RMND1: variants seen among roughly 807,000 people sequenced by gnomAD.
The protein encoded by RMND1 is required for meiotic nuclear division protein 1 homolog.
A neutral mutation model predicts 54.0 loss-of-function variants in RMND1; 41 were observed. The observed-to-expected ratio is 0.76, with a 90% CI of 0.59 to 0.98. The LOEUF (loss-of-function observed/expected upper bound fraction) is 0.98, where lower values mean the gene tolerates loss of function less well. Among genes scored for constraint, RMND1 ranks in the 50% least tolerant of loss-of-function variants. The pLI, the probability that RMND1 is intolerant of heterozygous loss-of-function variation, is 0.00. For missense variants in RMND1, 457 were observed against 532.0 expected, an observed-to-expected ratio of 0.86 and a Z score of 1.39; for synonymous variants, 183 against 181.7, an observed-to-expected ratio of 1.01 and a Z score of -0.06.
intron 10 of RMND1, among the ~76,000 whole-genome samples, chr6:151,406,826 G>A (rs117449987): frequency 1.3e-5 from 2 of 152,238 alleles, no homozygotes; most frequent in East Asian, 1.9e-4. Flanking sequence ...ATTGGAATGC[G>A]TTAACTGCAC....
chr6:151,410,776 T>C (rs1211604149), intron 10 of RMND1, among the ~76,000 whole-genome samples: 1 of 152,238 alleles, frequency 6.6e-6, no homozygotes. Context: ...TAAAATTTCA[T>C]TTTCCAATTG....
At chr6:151,432,103 A>T (rs890394737) in intron 4 of RMND1, among the ~76,000 whole-genome samples, 2 of 151,894 alleles carry the variant, frequency 1.3e-5, no homozygotes, top group African/African-American at 2.4e-5. Flanking sequence ...GTGCCTGGCT[A>T]ATTTTTTGTA....
At chr6:151,413,038 A>C (rs939642193) in intron 10 of RMND1, among the ~76,000 whole-genome samples, 1 of 152,146 alleles carries the variant, frequency 6.6e-6, no homozygotes, top group Non-Finnish European at 1.5e-5. Context: ...ATGTTGTGAG[A>C]TGCTCTATGG....
intron 6 of RMND1, 143 bp from the exon 7 acceptor site, chr6:151,423,774 T>G (rs1780217788): frequency 1.6e-6 from 1 of 633,562 alleles, no homozygotes; most frequent in Non-Finnish European, 2.8e-6. Flanking sequence ...TATCCTTTGG[T>G]CCAGGTAATT....
chr6:151,446,535 C>T lies in RMND1; in HGVS notation c.-14-710G>A, dbSNP rs148399943. ...ATGGGAGTGCGAGGCATGTCAGATA[C>T]ACACATGAACATTCCAGACAAGGTA... On this transcript the variant is annotated intron_variant, in intron 1 of 11. Coordinates refer to ENST00000444024, the MANE Select transcript of RMND1 (RefSeq NM_017909.4). Among the ~76,000 whole-genome samples the T allele has an allele frequency of 2.5e-4, 38 of 152,160 alleles. No individual in the cohort carries two copies. In the East Asian group the frequency reaches 7.2e-3, roughly 29 times the overall value.
chr6:151,410,856 T>C (rs2114918182), intron 10 of RMND1, among the ~76,000 whole-genome samples: 1 of 152,326 alleles, frequency 6.6e-6, no homozygotes, highest in East Asian at 1.9e-4. Flanking sequence ...AACTCACTTA[T>C]TCTGGTAGCT....
intron 10 of RMND1, among the ~76,000 whole-genome samples, chr6:151,408,431 G>A (rs546413349): frequency 6.6e-6 from 1 of 152,252 alleles, no homozygotes; most frequent in Non-Finnish European, 1.5e-5. Flanking sequence ...GTCGGTGGTT[G>A]CAGTGAGCCA....
chr6:151,444,258 T>C (rs1021570249), intron 2 of RMND1, among the ~76,000 whole-genome samples: 2 of 152,236 alleles, frequency 1.3e-5, no homozygotes, highest in Non-Finnish European at 2.9e-5. Context: ...TAATGCCATC[T>C]CGGACACTTA....
chr6:151,408,341 A>T (rs577405719), intron 10 of RMND1, among the ~76,000 whole-genome samples: 7 of 152,178 alleles, frequency 4.6e-5, no homozygotes, highest in African/African-American at 1.4e-4. Context: ...AAAATAGAAA[A>T]ATTAGCTGGG....
intron 10 of RMND1, among the ~76,000 whole-genome samples, chr6:151,409,643 C>G (rs571227340): frequency 2.5e-4 from 38 of 152,204 alleles, no homozygotes; most frequent in African/African-American, 8.9e-4. Context: ...GAAAATGGTA[C>G]ACACAATTTT....
At chr6:151,423,694 A>G in intron 6 of RMND1, 63 bp from the exon 7 acceptor site, 2 of 1,068,038 alleles carry the variant, frequency 1.9e-6, no homozygotes, top group Middle Eastern at 2.0e-4. Flanking sequence ...TTTCCTTTGA[A>G]AAAGACACCA....
At chr6:151,444,528 G>C (rs1232199298) in intron 2 of RMND1, 1 of 152,140 alleles carries the variant, frequency 6.6e-6, no homozygotes. Flanking sequence ...AGGCTCAGGG[G>C]CTACTTTTCA....
chr6:151,432,584 G>A (rs1194925827), intron 4 of RMND1, among the ~76,000 whole-genome samples: 1 of 152,096 alleles, frequency 6.6e-6, no homozygotes, highest in Non-Finnish European at 1.5e-5. Flanking sequence ...TCATCGGTGT[G>A]CTGAGGATAA....
At chr6:151,420,347 G>T (rs897619553) in intron 9 of RMND1, among the ~76,000 whole-genome samples, 1 of 152,138 alleles carries the variant, frequency 6.6e-6, no homozygotes, top group African/African-American at 2.4e-5. Flanking sequence ...ATGAAACACT[G>T]TATCACTTCT....
intron 4 of RMND1, among the ~76,000 whole-genome samples, chr6:151,430,688 G>A (rs1233676633): frequency 6.6e-6 from 1 of 152,200 alleles, no homozygotes; most frequent in Non-Finnish European, 1.5e-5. Context: ...GAACTACAGT[G>A]ACACCACAGG....
intron 9 of RMND1, among the ~76,000 whole-genome samples, chr6:151,420,027 C>T (rs781025499): frequency 1.1e-4 from 17 of 152,144 alleles, no homozygotes; most frequent in Non-Finnish European, 2.4e-4. Flanking sequence ...AGATGTATCA[C>T]ATTCCTTATA....
At chr6:151,445,121 T>G (rs1234861962) in intron 2 of RMND1, 187 bp downstream of exon 2, 3 of 561,944 alleles carry the variant, frequency 5.3e-6, no homozygotes, top group Non-Finnish European at 6.0e-6. Context: ...TTTATATGTA[T>G]CATTAATTGT....
chr6:151,433,676 C>T (rs959274531), intron 3 of RMND1, among the ~76,000 whole-genome samples: 2 of 152,114 alleles, frequency 1.3e-5, no homozygotes, highest in African/African-American at 4.8e-5. Context: ...TCCCAAACTA[C>T]TACTCCTGCT....
chr6:151,405,345 T>A, intron 11 of RMND1, 78 bp from the exon 12 acceptor site: 1 of 1,317,558 alleles, frequency 7.6e-7, no homozygotes, highest in Non-Finnish European at 1.1e-6. Context: ...AGATTGTGAT[T>A]AATGAGAAAT....
Sources: gnomAD v4.1 joint callset for allele counts (sites outside exome capture counted in the v4.1 genomes callset) on GRCh38, gnomAD v4.1.1 for gene constraint, MANE v1.5 for transcripts, NCBI Gene and HGNC (gene_info 2026-07-23, HGNC 2026-07-21) for gene names.